Variants in COL28A1 observed in about 807,000 individuals in gnomAD.
COL28A1 encodes collagen type XXVIII alpha 1 chain, also known as collagen alpha-1(XXVIII) chain.
Under a neutral mutation model 150.2 loss-of-function variants are expected in COL28A1, and 161 were observed. The ratio of observed to expected loss-of-function variants is 1.07; its 90% CI spans 0.94 to 1.22. COL28A1 has a LOEUF of 1.22. COL28A1 is among the 50% of genes most tolerant of loss of function. The pLI, the probability that COL28A1 is intolerant of heterozygous loss-of-function variation, is 0.00. For synonymous variants in COL28A1, 552 were observed against 469.7 expected, an observed-to-expected ratio of 1.18 and a Z score of -2.26; for missense variants, 1,617 against 1,388.3, an observed-to-expected ratio of 1.16 and a Z score of -2.62.
At chr7:7,371,424 A>C (rs1200096423) in intron 32 of COL28A1, among the ~76,000 whole-genome samples, 1 of 152,224 alleles carries the variant, frequency 6.6e-6, no homozygotes, top group Non-Finnish European at 1.5e-5. Flanking sequence ...TAGGTTAGAA[A>C]GCTCTGGAGA....
At chr7:7,513,414 G>C (rs932149578) in intron 8 of COL28A1, among the ~76,000 whole-genome samples, 1 of 152,168 alleles carries the variant, frequency 6.6e-6, no homozygotes, top group Non-Finnish European at 1.5e-5. Flanking sequence ...TTTCTGCCTA[G>C]GGTACTGCCT....
rs1296240375 is a variant in COL28A1, at chr7:7,489,433, G to A, written c.1120C>T (p.Pro374Ser). 4 of 1,457,708 alleles carry A rather than the reference G, an allele frequency of 2.7e-6. No individual in the cohort carries two copies. Among genetic ancestry groups the A allele is most frequent in the East Asian group, 2.3e-5 (1 of 44,200 alleles). 90.3% of individuals were successfully genotyped at this position (1,457,708 alleles called of 1,614,324 possible). A position where few individuals can be genotyped will look rare whatever the true frequency, so the allele number is the denominator to read the frequency against. The change falls in exon 13 of 35, where the codon CCG becomes TCG. Residue 374 changes from proline (P) to serine (S), a missense_variant. By Grantham distance (74) the Pro-to-Ser change is moderately conservative (BLOSUM62 -1). Coordinates refer to ENST00000399429, the MANE Select transcript of COL28A1 (RefSeq NM_001037763.3). ...IKGERGQEGR[P>S]GAPGPIGVGE... ...ACTCCAATGGGTCCTGGAGCTCCCG[G>A]TCTTCCTTCTTGGCCTCTTTCTCCC...
the COL28A1 span, among the ~76,000 whole-genome samples, chr7:7,347,307 T>G: frequency 3.3e-5 from 5 of 152,054 alleles, no homozygotes; most frequent in African/African-American, 1.2e-4. Context: ...TCTTTCCCAG[T>G]GGGTGGGTTA....
chr7:7,430,670 C>T (rs955286409), intron 25 of COL28A1, among the ~76,000 whole-genome samples: 1 of 152,074 alleles, frequency 6.6e-6, no homozygotes, highest in African/African-American at 2.4e-5. Flanking sequence ...GCTTCTACTT[C>T]CCTAAATATT....
At chr7:7,418,696 T>TA (rs1409067197) in intron 26 of COL28A1, among the ~76,000 whole-genome samples, 1 of 151,994 alleles carries the variant, frequency 6.6e-6, no homozygotes, top group African/African-American at 2.4e-5. Flanking sequence ...TTTCCAGTAT[T>TA]AAAAAAGCTT....
intron 30 of COL28A1, among the ~76,000 whole-genome samples, chr7:7,379,634 T>C (rs1037472137): frequency 3.8e-4 from 58 of 152,300 alleles, no homozygotes; most frequent in Middle Eastern, 3.4e-3. Context: ...GTTTACTGGA[T>C]ACATCCAATA....
At chr7:7,353,567 C>T (rs1469109496), downstream of COL28A1, among the ~76,000 whole-genome samples, 1 of 152,150 alleles carries the variant, frequency 6.6e-6, no homozygotes, top group Non-Finnish European at 1.5e-5. Flanking sequence ...TCATTGAGAC[C>T]TGTGCCTCAG....
intron 27 of COL28A1, among the ~76,000 whole-genome samples, chr7:7,414,069 A>G (rs756672878): frequency 2.0e-5 from 3 of 152,180 alleles, no homozygotes; most frequent in Non-Finnish European, 4.4e-5. Flanking sequence ...ACTCCCAATT[A>G]GAAATGAAGA....
chr7:7,525,166 A>G (rs1439976647), intron 3 of COL28A1, among the ~76,000 whole-genome samples: 1 of 152,238 alleles, frequency 6.6e-6, no homozygotes, highest in African/African-American at 2.4e-5. Context: ...TTGCTTTGCA[A>G]TAAGGAAACA....
At position 7,487,155 on chromosome 7, in the gene COL28A1, A is replaced by T. The variant is rs553229549; in HGVS notation, c.1164+2234T>A. ...ATATGCTTAAAATATTTCATTATTT[A>T]AAAAAAAACATTTTAAGAACGACAA... On this transcript the variant is annotated intron_variant, in intron 13 of 34. Coordinates refer to ENST00000399429, the MANE Select transcript of COL28A1 (RefSeq NM_001037763.3). 3.9e-4 allele frequency among the ~76,000 whole-genome samples: 45 copies of T among 115,016 alleles called. No homozygotes were observed. In the East Asian group the frequency reaches 5.5e-3, roughly 14 times the overall value. 75.5% of individuals were successfully genotyped at this position (115,016 alleles called of 152,430 possible).
At chr7:7,480,821 TA>T (rs1370741360) in intron 13 of COL28A1, among the ~76,000 whole-genome samples, 3 of 152,200 alleles carry the variant, frequency 2.0e-5, no homozygotes, top group Non-Finnish European at 2.9e-5. Flanking sequence ...GTGTCATTTG[TA>T]CTGAGGTTCA....
intron 23 of COL28A1, among the ~76,000 whole-genome samples, chr7:7,432,995 C>A (rs1298039803): frequency 1.3e-5 from 2 of 152,060 alleles, no homozygotes; most frequent in Admixed American, 6.6e-5. Context: ...TAAATCTATT[C>A]TCTTCATTAA....
chr7:7,498,208 A>C (rs1466874839), intron 11 of COL28A1, among the ~76,000 whole-genome samples: 2 of 152,156 alleles, frequency 1.3e-5, no homozygotes, highest in African/African-American at 4.8e-5. Flanking sequence ...CATTATATAT[A>C]ACAAAATCTG....
intron 25 of COL28A1, among the ~76,000 whole-genome samples, chr7:7,427,502 C>T (rs186921169): frequency 9.8e-4 from 149 of 152,330 alleles, no homozygotes; most frequent in African/African-American, 3.4e-3. Context: ...GGAATTCACA[C>T]ATTCCTAATG....
In COL28A1 at chr7:7,490,611, T is replaced by A; in HGVS notation, c.1062A>T (p.Pro354=). The part of the protein sequence containing the change: ...EPGPPGPYGS[P]GAPGIGQQGI... ...CTTGCTGTCCAATTCCAGGAGCTCC[T>A]GGAGAACCATAAGGACCAGGAGGAC... is the stretch of plus-strand genomic sequence containing the variant. The change falls in exon 12 of 35, where the codon CCA becomes CCT. Residue 354 remains proline, a synonymous_variant. Coordinates refer to ENST00000399429, the MANE Select transcript of COL28A1 (RefSeq NM_001037763.3). 1 of 1,395,802 alleles carries A rather than the reference T, an allele frequency of 7.2e-7. No homozygotes were observed. The highest frequency in any genetic ancestry group is 1.0e-6 in the Non-Finnish European group (1 of 981,938). 86.5% of individuals were successfully genotyped at this position (1,395,802 alleles called of 1,614,324 possible).
At chr7:7,499,519 A>G (rs1780405254) in intron 11 of COL28A1, among the ~76,000 whole-genome samples, 1 of 152,222 alleles carries the variant, frequency 6.6e-6, no homozygotes, top group Non-Finnish European at 1.5e-5. Context: ...TTTACCAAGA[A>G]ATGTAGGAAT....
In COL28A1 at chr7:7,531,640, C is replaced by G. The variant is rs199838112; in HGVS notation, c.389G>C (p.Gly130Ala). 1 of 1,603,186 alleles carries G rather than the reference C, an allele frequency of 6.2e-7. No individual in the cohort carries two copies. Among genetic ancestry groups the G allele is most frequent in the East Asian group, 2.2e-5 (1 of 44,824 alleles). The change falls in exon 3 of 35, where the codon GGT (glycine) becomes GCT (alanine). Residue 130 changes from glycine (G) to alanine (A), a missense_variant. Gly to Ala is a moderately conservative substitution (Grantham distance 60). Coordinates refer to ENST00000399429, the MANE Select transcript of COL28A1 (RefSeq NM_001037763.3). ...GGAAATGGCATAATAAGAGAAGGTA[C>G]CTTGCCCTATTAAATTCATAGACTT... The part of the protein sequence containing the change: ...KVKSMNLIGQ[G>A]TFSYYAISNA...
chr7:7,489,274 AT>A (rs1779788424), intron 13 of COL28A1, 114 bp downstream of exon 13: 23 of 688,722 alleles, frequency 3.3e-5, no homozygotes, highest in South Asian at 3.1e-4. Flanking sequence ...TCTCAAAAAA[AT>A]AAATAAATAA....
At chr7:7,349,439 C>A in the COL28A1 span, among the ~76,000 whole-genome samples, 1 of 152,114 alleles carries the variant, frequency 6.6e-6, no homozygotes, top group Non-Finnish European at 1.5e-5. Context: ...CTTGCATGCA[C>A]CCCTCAGTAC....
Sources: gnomAD v4.1 joint callset for allele counts (sites outside exome capture counted in the v4.1 genomes callset) on GRCh38, gnomAD v4.1.1 for gene constraint, MANE v1.5 for transcripts, NCBI Gene and HGNC (gene_info 2026-07-23, HGNC 2026-07-21) for gene names.